IQCB1: variants seen among roughly 807,000 people sequenced by gnomAD.
IQCB1 encodes IQ calmodulin-binding motif-containing protein 1.
A neutral mutation model predicts 84.4 loss-of-function variants in IQCB1; 56 were observed. That is an observed-to-expected ratio of 0.66 (90% CI 0.54 to 0.83). IQCB1 has a LOEUF of 0.83. IQCB1 is among the 40% of genes least tolerant of loss of function. IQCB1 has a pLI of 0.00. For synonymous variants in IQCB1, 210 were observed against 234.8 expected (o/e 0.89, Z 0.96); for missense variants, 629 against 682.1 (o/e 0.92, Z 0.87).
At chr3:121,776,789 G>C (rs1331221949) in intron 13 of IQCB1, among the ~76,000 whole-genome samples, 3 of 152,064 alleles carry the variant, frequency 2.0e-5, no homozygotes, top group Non-Finnish European at 4.4e-5. Context: ...CTATCTTTTG[G>C]TGAAGTATCT....
rs144962028 is a variant in IQCB1 at position 121,818,570 on chromosome 3, C to G, written c.393+7481G>C. On this transcript the variant is annotated intron_variant, in intron 5 of 14. Transcript: ENST00000310864. ...GACATGTGAGCTTGTAGTTATTAGA[C>G]AACTTGAAGATAGAGCCCAAAGGAG... 3.4e-3 allele frequency among the ~76,000 whole-genome samples: 521 copies of G among 152,164 alleles called. 3 individuals are homozygous for G. Among genetic ancestry groups the G allele is most frequent in the Middle Eastern group, 6.8e-3 (2 of 294 alleles).
chr3:121,783,388 C>A (rs543307702), intron 12 of IQCB1, among the ~76,000 whole-genome samples: 39 of 152,168 alleles, frequency 2.6e-4, no homozygotes, highest in Middle Eastern at 6.8e-3. Context: ...TACTCCCCAT[C>A]CATCCTATAT....
chr3:121,826,840 G>A (rs1056873103), intron 4 of IQCB1, among the ~76,000 whole-genome samples: 11 of 151,958 alleles, frequency 7.2e-5, no homozygotes, highest in African/African-American at 2.7e-4. Flanking sequence ...AATAATAAAA[G>A]GTTTTTCTGT....
intron 12 of IQCB1, among the ~76,000 whole-genome samples, chr3:121,784,611 T>C (rs749400442): frequency 3.3e-5 from 5 of 152,230 alleles, no homozygotes; most frequent in Admixed American, 6.5e-5. Context: ...TATTCAGTGA[T>C]ACTTATCTTT....
intron 12 of IQCB1, among the ~76,000 whole-genome samples, chr3:121,787,723 C>A (rs570843374): frequency 7.3e-5 from 11 of 149,854 alleles, no homozygotes; most frequent in Non-Finnish European, 1.6e-4. Flanking sequence ...TGCACTTCAG[C>A]CTTGCAACAG....
chr3:121,813,016 A>T (rs1458659042), intron 5 of IQCB1, among the ~76,000 whole-genome samples: 3 of 152,204 alleles, frequency 2.0e-5, no homozygotes, highest in Non-Finnish European at 4.4e-5. Context: ...GGGCAGCCAG[A>T]GAGAAAGGTC....
intron 5 of IQCB1, among the ~76,000 whole-genome samples, chr3:121,821,986 A>C (rs1225984251): frequency 6.6e-6 from 1 of 152,160 alleles, no homozygotes; most frequent in Non-Finnish European, 1.5e-5. Context: ...CAAAAGATTG[A>C]CCCTCTCCCA....
rs1371394822 is a variant in IQCB1 at position 121,788,319 on chromosome 3, T to C, written c.1243A>G (p.Ile415Val). The C allele has an allele frequency of 1.2e-6, 2 of 1,613,888 alleles. No individual in the cohort carries two copies. Among genetic ancestry groups the C allele is most frequent in the Non-Finnish European group, 8.5e-7 (1 of 1,179,936 alleles). ...KNFHQQRQSL[I>V]EYKAAVTLQR... ...AGTGTGACAGCTGCTTTATACTCTA[T>C]GAGAGACTGCCTCTGTTGGTGAAAA... The change falls in exon 12 of 15, where the codon ATA (isoleucine) becomes GTA (valine). Residue 415 changes from isoleucine (I) to valine (V), a missense_variant. Physicochemically the swap from Ile to Val is conservative, Grantham distance 29. Transcript: ENST00000310864.
chr3:121,771,251 C>T (rs540562870), intron 14 of IQCB1, among the ~76,000 whole-genome samples: 1 of 151,940 alleles, frequency 6.6e-6, no homozygotes, highest in South Asian at 2.1e-4. Context: ...GGATTACAGG[C>T]GTGAGCCACC....
At chr3:121,789,747 A>G (rs1427267941) in intron 11 of IQCB1, among the ~76,000 whole-genome samples, 2 of 152,228 alleles carry the variant, frequency 1.3e-5, no homozygotes, top group African/African-American at 4.8e-5. Flanking sequence ...GAATGTAATA[A>G]TATTCCAACT....
chr3:121,828,828 A>T (rs1559804641), intron 3 of IQCB1, 33 bp downstream of exon 3: 1 of 1,317,240 alleles, frequency 7.6e-7, no homozygotes, highest in African/African-American at 1.4e-5. Flanking sequence ...TTTTCACTTA[A>T]AATGCTATCT....
intron 12 of IQCB1, among the ~76,000 whole-genome samples, chr3:121,783,769 C>A (rs1948601009): frequency 6.6e-6 from 1 of 152,138 alleles, no homozygotes; most frequent in African/African-American, 2.4e-5. Flanking sequence ...GACTACTTTT[C>A]ATCTTTCCCT....
rs201147920 is a variant in IQCB1, at chr3:121,780,202, C to T, written c.1410+1541G>A. Reference sequence around the variant, plus strand: ...CTTAACTCAAGGATTCTAAAGAGCCCTTCTCTGTTCTCTTCCTTGAGCTAT... The same window carrying T: ...CTTAACTCAAGGATTCTAAAGAGCCTTTCTCTGTTCTCTTCCTTGAGCTAT... On this transcript the variant is annotated intron_variant, in intron 13 of 14. Coordinates refer to ENST00000310864, the MANE Select transcript of IQCB1 (RefSeq NM_001023570.4). Among the ~76,000 whole-genome samples, 5 of 152,270 alleles carry T rather than the reference C, an allele frequency of 3.3e-5. No homozygotes were observed. The East Asian group carries it at 9.6e-4, about 29-fold the overall frequency.
intron 13 of IQCB1, among the ~76,000 whole-genome samples, chr3:121,774,540 T>C (rs1948143787): frequency 6.6e-6 from 1 of 152,246 alleles, no homozygotes; most frequent in Non-Finnish European, 1.5e-5. Context: ...CAAGTGTTCC[T>C]TGGATAAACA....
intron 5 of IQCB1, 101 bp downstream of exon 5, chr3:121,825,950 T>A (rs568172136): frequency 8.9e-7 from 1 of 1,125,774 alleles, no homozygotes; most frequent in South Asian, 1.3e-5. Flanking sequence ...ATTCACTACT[T>A]TAATTGTACT....
rs562836922 is a variant in IQCB1, at chr3:121,824,954, C to G, written c.393+1097G>C. Among the ~76,000 whole-genome samples, 19 of 152,240 alleles carry G rather than the reference C, an allele frequency of 1.2e-4. No individual in the cohort carries two copies. The East Asian group carries it at 3.7e-3, about 29-fold the overall frequency. ...ACAAGTAGTCCTAGCTTTTGCATGGCACCATATTAAATAAAACCTGTGCAT... is the reference window on the plus strand; with the variant it reads ...ACAAGTAGTCCTAGCTTTTGCATGGGACCATATTAAATAAAACCTGTGCAT... On this transcript the variant is annotated intron_variant, in intron 5 of 14. Transcript: ENST00000310864.
rs762667783 is a variant in IQCB1 at position 121,770,584 on chromosome 3, A to G, written c.1568-10T>C. The G allele has an allele frequency of 5.4e-5, 87 of 1,600,590 alleles. 1 individual carries two copies. In the East Asian group the frequency reaches 1.9e-3, roughly 34 times the overall value. The stretch of plus-strand genomic sequence containing the variant: ...TTCAGACTTGGTGCCTCTGTAGTGG[A>G]CAGAAAATAAACAGATGAGCAGAAG... On this transcript the variant is annotated splice_polypyrimidine_tract_variant and intron_variant, in intron 14 of 14. Coordinates refer to ENST00000310864, the MANE Select transcript of IQCB1 (RefSeq NM_001023570.4).
chr3:121,779,356 G>T (rs1948379155), intron 13 of IQCB1, among the ~76,000 whole-genome samples: 1 of 151,826 alleles, frequency 6.6e-6, no homozygotes, highest in South Asian at 2.1e-4. Context: ...GACTCATTTT[G>T]TACAGTATCT....
chr3:121,825,006 T>G (rs1323560319), intron 5 of IQCB1, among the ~76,000 whole-genome samples: 3 of 152,116 alleles, frequency 2.0e-5, no homozygotes. Context: ...GGTTCTGACA[T>G]GCACGAGTTT....
Sources: gnomAD v4.1 joint callset for allele counts (sites outside exome capture counted in the v4.1 genomes callset) on GRCh38, gnomAD v4.1.1 for gene constraint, MANE v1.5 for transcripts, NCBI Gene and HGNC (gene_info 2026-07-23, HGNC 2026-07-21) for gene names.